Variants in LIMCH1 observed in about 807,000 individuals in gnomAD.
LIMCH1 encodes LIM and calponin homology domains-containing protein 1.
Under a neutral mutation model 176.5 loss-of-function variants are expected in LIMCH1, and 113 were observed. The ratio of observed to expected loss-of-function variants is 0.64; its 90% CI spans 0.55 to 0.75. The LOEUF (loss-of-function observed/expected upper bound fraction) is 0.75. Among genes scored for constraint, LIMCH1 ranks in the 30% least tolerant of loss-of-function variants. The probability of loss-of-function intolerance (pLI) is 0.00; values close to 1 mark genes in which losing one functional copy is unlikely to be tolerated. For synonymous variants in LIMCH1, 619 were observed against 645.9 expected (o/e 0.96, Z 0.63); for missense variants, 1,674 against 1,814.9 (o/e 0.92, Z 1.41).
At chr4:41,539,441 T>G (rs1330872499) in intron 1 of LIMCH1, among the ~76,000 whole-genome samples, 6 of 152,194 alleles carry the variant, frequency 3.9e-5, no homozygotes, top group Admixed American at 2.6e-4. Flanking sequence ...TGAGGGTATG[T>G]GCCACTCTGC....
At chr4:41,662,760 G>A in intron 19 of LIMCH1, 61 bp from the exon 20 acceptor site, 2 of 1,564,922 alleles carry the variant, frequency 1.3e-6, no homozygotes, top group Non-Finnish European at 1.8e-6. Context: ...AGAATAAATG[G>A]TCCTATAGAT....
upstream of LIMCH1, chr4:41,538,090 G>A (rs2078153347): frequency 1.2e-6 from 1 of 844,502 alleles, no homozygotes; most frequent in Non-Finnish European, 1.4e-6. Flanking sequence ...AGAGGGAATG[G>A]GCTTCTCCGC....
At chr4:41,379,107 T>C (rs934409406) in intron 1 of LIMCH1, among the ~76,000 whole-genome samples, 8 of 152,210 alleles carry the variant, frequency 5.3e-5, no homozygotes, top group African/African-American at 1.7e-4. Flanking sequence ...TATTTTATAG[T>C]TTCTATGAGT....
chr4:41,537,962 T>G (rs1010404170), upstream of LIMCH1, among the ~76,000 whole-genome samples: 1 of 152,214 alleles, frequency 6.6e-6, no homozygotes, highest in Non-Finnish European at 1.5e-5. Context: ...GTGCTTTTTC[T>G]AGATCCAGAT....
At chr4:41,436,530 A>G (rs561294880) in intron 1 of LIMCH1, among the ~76,000 whole-genome samples, 2 of 152,292 alleles carry the variant, frequency 1.3e-5, no homozygotes, top group African/African-American at 2.4e-5. Flanking sequence ...TCATTGTGCT[A>G]TTTGCAGCAC....
At position 41,428,212 on chromosome 4, in the gene LIMCH1, C is replaced by G. The variant is rs1196331194; in HGVS notation, c.97-66324C>G. ...GAGGTCGTGGTAAAGAACATGAACT[C>G]TGAGGCCAGTTGGTTTGGTTTCAAA... On this transcript the variant is annotated intron_variant, in intron 1 of 26. Transcript: ENST00000313860. Among the ~76,000 whole-genome samples, 3 of 152,192 alleles carry G rather than the reference C, an allele frequency of 2.0e-5. No individual in the cohort carries two copies. The East Asian group carries it at 5.8e-4, about 29-fold the overall frequency.
At chr4:41,419,188 A>ATTTTATTTTATT (rs113387505) in intron 1 of LIMCH1, among the ~76,000 whole-genome samples, 2 of 78,112 alleles carry the variant, frequency 2.6e-5, no homozygotes, top group Non-Finnish European at 4.5e-5. Context: ...ATTTAATTTT[A>ATTTTATTTTATT]TTATTTTGAG....
Position 41,650,409 on chromosome 4 carries a change from G to C in LIMCH1, c.2837G>C (p.Ser946Thr), listed in dbSNP as rs201089774. Residue 946 changes from serine (S) to threonine (T), a missense_variant, in exon 18 of 32, where the codon AGT (serine) becomes ACT (threonine). Ser to Thr is a moderately conservative substitution (Grantham distance 58). Around this residue, in one of 3 missense-constraint regions of LIMCH1, gnomAD observed 1,015 missense variants for 1,102.5 expected, o/e 0.92. Transcript: ENST00000503057. ...CTTTTATAGGTAGACGGGAAAGTCA[G>C]TGTGAATGGAGAGACGGTTCATAGA... ...LKTFKVDGKV[S>T]VNGETVHREE... 456 of 1,613,944 alleles carry C rather than the reference G, an allele frequency of 2.8e-4. No individual in the cohort carries two copies. Among genetic ancestry groups the C allele is most frequent in the Non-Finnish European group, 3.5e-4 (413 of 1,179,936 alleles).
At chr4:41,401,464 A>G (rs1033057902) in intron 1 of LIMCH1, among the ~76,000 whole-genome samples, 9 of 152,286 alleles carry the variant, frequency 5.9e-5, no homozygotes, top group South Asian at 2.1e-4. Flanking sequence ...GTCAGGTAGC[A>G]TGATGCCTCC....
At chr4:41,651,949 C>T (rs1485141738) in intron 18 of LIMCH1, among the ~76,000 whole-genome samples, 3 of 152,214 alleles carry the variant, frequency 2.0e-5, no homozygotes, top group African/African-American at 7.2e-5. Flanking sequence ...ACTGTCACTA[C>T]ACAGATGCAG....
chr4:41,491,922 G>A (rs1258184122), intron 1 of LIMCH1, among the ~76,000 whole-genome samples: 5 of 151,882 alleles, frequency 3.3e-5, no homozygotes, highest in African/African-American at 9.7e-5. Context: ...TCCCAGACGG[G>A]GCGGCCGGGC....
intron 1 of LIMCH1, among the ~76,000 whole-genome samples, chr4:41,567,135 G>A (rs991151977): frequency 2.6e-5 from 4 of 152,178 alleles, no homozygotes; most frequent in African/African-American, 9.7e-5. Flanking sequence ...TGCATAAGAA[G>A]GCAGAATAAA....
At chr4:41,558,732 C>T (rs996656301) in intron 1 of LIMCH1, among the ~76,000 whole-genome samples, 2 of 152,136 alleles carry the variant, frequency 1.3e-5, no homozygotes, top group Non-Finnish European at 2.9e-5. Context: ...GTATTTCCAC[C>T]TTGGTACAGT....
intron 1 of LIMCH1, among the ~76,000 whole-genome samples, chr4:41,432,477 T>C (rs1185697753): frequency 6.6e-6 from 1 of 152,186 alleles, no homozygotes; most frequent in African/African-American, 2.4e-5. Flanking sequence ...AGGGTAAAGA[T>C]AGAAGCTAGA....
At chr4:41,604,163 A>G in intron 3 of LIMCH1, 1 of 976,436 alleles carries the variant, frequency 1.0e-6, no homozygotes, top group Non-Finnish European at 1.2e-6. Flanking sequence ...TCTGTTTATG[A>G]TTCAGTTTCT....
intron 14 of LIMCH1, among the ~76,000 whole-genome samples, chr4:41,639,516 A>G (rs1562034588): frequency 2.0e-5 from 3 of 152,160 alleles, no homozygotes; most frequent in African/African-American, 7.2e-5. Context: ...CAGGGGGCCA[A>G]GGATGTAAGA....
rs550183906 is a variant in LIMCH1, at chr4:41,465,856, C to T, written c.97-28680C>T. The stretch of plus-strand genomic sequence containing the variant: ...CTATTGGAGCAAAGCCATACCCATT[C>T]GTTGTATCTATTGCCTATGCCTGTT... On this transcript the variant is annotated intron_variant, in intron 1 of 26. Coordinates refer to the LIMCH1 transcript ENST00000313860. 2.3e-3 allele frequency among the ~76,000 whole-genome samples: 346 copies of T among 151,794 alleles called. 3 individuals carry two copies. Among genetic ancestry groups the T allele is most frequent in the African/African-American group, 7.0e-3 (291 of 41,386 alleles).
chr4:41,407,758 G>A (rs1400326018), intron 1 of LIMCH1, among the ~76,000 whole-genome samples: 4 of 152,092 alleles, frequency 2.6e-5, no homozygotes, highest in South Asian at 2.1e-4. Flanking sequence ...AGTATCCCAC[G>A]TTGAGGCTTG....
intron 1 of LIMCH1, among the ~76,000 whole-genome samples, chr4:41,571,838 G>A (rs993742520): frequency 2.0e-5 from 3 of 152,270 alleles, no homozygotes; most frequent in African/African-American, 7.2e-5. Context: ...AGGGTTTGAT[G>A]TCAAGGATGT....
Sources: allele counts gnomAD v4.1 joint callset (sites outside exome capture counted in the v4.1 genomes callset), GRCh38; gene constraint gnomAD v4.1.1; regional missense constraint gnomAD v4.1.1; transcripts MANE v1.5; gene names NCBI Gene and HGNC (gene_info 2026-07-23, HGNC 2026-07-21).